FLNC: variants seen among roughly 807,000 people sequenced by gnomAD.
The protein encoded by FLNC is filamin C.
FLNC carries 91 observed loss-of-function variants against 254.3 expected under a neutral mutation model. The observed-to-expected ratio is 0.36, with a 90% CI of 0.30 to 0.43. FLNC has a LOEUF of 0.43. FLNC is among the 20% of genes least tolerant of loss of function. The pLI is 1.00. For missense variants in FLNC, 2,853 were observed against 3,802.6 expected (o/e 0.75, Z 6.57); for synonymous variants, 1,430 against 1,577.2 (o/e 0.91, Z 2.21).
rs1250574904 is a variant in FLNC, at chr7:128,835,917, T to C, written c.601+343T>C. ...CCCAGGGCCTGGACTCCCTGCCCCATGAATTTTTTACTGTGCCACGAGGCA... is the reference window on the plus strand; with the variant it reads ...CCCAGGGCCTGGACTCCCTGCCCCACGAATTTTTTACTGTGCCACGAGGCA... On this transcript the variant is annotated intron_variant, in intron 2 of 47. Coordinates refer to ENST00000325888, the MANE Select transcript of FLNC (RefSeq NM_001458.5). This position sits in a 1 kb window ranked among gnomAD's most constrained non-coding sequence, Gnocchi z 5.3. 2.0e-5 allele frequency among the ~76,000 whole-genome samples: 3 copies of C among 152,114 alleles called. No homozygotes were observed. Among genetic ancestry groups the C allele is most frequent in the Non-Finnish European group, 2.9e-5 (2 of 68,016 alleles).
chr7:128,835,437 A>G lies in FLNC; in HGVS notation c.464A>G (p.Asp155Gly), dbSNP rs1470975528. The stretch of plus-strand genomic sequence containing the variant: ...ATGTGGGAGGATGAAGATGATGAGG[A>G]TGCCCGCAAACAGACGCCCAAGCAG... The part of the protein sequence containing the change: ...MPMWEDEDDE[D>G]ARKQTPKQRL... Residue 155 changes from aspartate to glycine, a missense_variant, in exon 2 of 48, where the codon GAT (aspartate) becomes GGT (glycine). This residue lies in a region of FLNC where 115 missense variants were observed against 230.3 expected (regional missense o/e 0.50). Coordinates refer to ENST00000325888, the MANE Select transcript of FLNC (RefSeq NM_001458.5). The surrounding 1 kb of genome is among the most constrained non-coding windows in gnomAD (Gnocchi z 5.3). 1 of 1,614,116 alleles carries G rather than the reference A, an allele frequency of 6.2e-7. No individual in the cohort carries two copies. Among genetic ancestry groups the G allele is most frequent in the Non-Finnish European group, 8.5e-7 (1 of 1,180,032 alleles).
chr7:128,851,328 C>T lies in FLNC; in HGVS notation c.5636C>T (p.Thr1879Ile). Residue 1879 changes from threonine to isoleucine, a missense_variant, in exon 34 of 48, where the codon ACC (threonine) becomes ATC (isoleucine). By Grantham distance (89) the Thr-to-Ile change is moderately conservative. This residue lies in a region of FLNC where 551 missense variants were observed against 835.0 expected (regional missense o/e 0.66). Coordinates refer to ENST00000325888, the MANE Select transcript of FLNC (RefSeq NM_001458.5). ...CATGGCATGGTCAACAAGCCAGCCA[C>T]CTTCACTATTGTCACCAAAGATGCT... ...LSHGMVNKPA[T>I]FTIVTKDAGE... The T allele has an allele frequency of 6.2e-7, 1 of 1,614,166 alleles. No individual in the cohort carries two copies. Among genetic ancestry groups the T allele is most frequent in the South Asian group, 1.1e-5 (1 of 91,084 alleles).
Position 128,844,786 on chromosome 7 carries a change from C to G in FLNC, c.3321C>G (p.Ile1107Met), listed in dbSNP as rs775641996. Residue 1107 changes from isoleucine to methionine, a missense_variant, in exon 21 of 48, where the codon ATC becomes ATG. This residue lies in a region of FLNC where 1,573 missense variants were observed against 1,883.5 expected (regional missense o/e 0.84). Transcript: ENST00000325888. ...TAGAGGGCCCCTGCGAGGCCAAGAT[C>G]GAGTGCCAGGACAATGGTGATGGCT... ...LTVEGPCEAK[I>M]ECQDNGDGSC... The G allele has an allele frequency of 6.2e-7, 1 of 1,614,006 alleles. No homozygotes were observed. The highest frequency in any genetic ancestry group is 8.5e-7 in the Non-Finnish European group (1 of 1,180,050).
chr7:128,846,103 A>G lies in FLNC; in HGVS notation c.3904A>G (p.Thr1302Ala). 2.5e-6 allele frequency: 4 copies of G among 1,613,724 alleles called. No individual in the cohort carries two copies. The highest frequency in any genetic ancestry group is 3.4e-6 in the Non-Finnish European group (4 of 1,179,946). ...VLNPSGAKTD[T>A]YVTDNGDGTY... ...CAACCCCTCGGGGGCCAAGACAGACACCTATGTGACAGACAATGGGGACGG... is the reference window on the plus strand; with the variant it reads ...CAACCCCTCGGGGGCCAAGACAGACGCCTATGTGACAGACAATGGGGACGG... The change falls in exon 22 of 48, where the codon ACC (threonine) becomes GCC (alanine). Residue 1302 changes from threonine to alanine, a missense_variant. Around this residue, in one of 10 missense-constraint regions of FLNC, gnomAD observed 1,573 missense variants for 1,883.5 expected, o/e 0.84. Coordinates refer to ENST00000325888, the MANE Select transcript of FLNC (RefSeq NM_001458.5).
At position 128,846,428 on chromosome 7, in the gene FLNC, G is replaced by C. The variant is rs768635501; in HGVS notation, c.4092G>C (p.Leu1364Phe). 9.6e-5 allele frequency: 154 copies of C among 1,604,968 alleles called. No homozygotes were observed. The highest frequency in any genetic ancestry group is 1.3e-4 in the Non-Finnish European group (148 of 1,179,972). The change falls in exon 23 of 48, where the codon TTG becomes TTC. Residue 1364 changes from leucine to phenylalanine, a missense_variant. By Grantham distance (22) the Leu-to-Phe change is conservative (BLOSUM62 0). Around this residue, in one of 10 missense-constraint regions of FLNC, gnomAD observed 1,573 missense variants for 1,883.5 expected, o/e 0.84. Coordinates refer to ENST00000325888, the MANE Select transcript of FLNC (RefSeq NM_001458.5). ...TCGGGCCAGGCCTGGAGGGTGGCTTGGTCAACAAGGCCAACCGATTCACTG... is the reference window on the plus strand; with the variant it reads ...TCGGGCCAGGCCTGGAGGGTGGCTTCGTCAACAAGGCCAACCGATTCACTG... ...RAFGPGLEGG[L>F]VNKANRFTVE...
In FLNC at chr7:128,834,454, G is replaced by A. The variant is rs181527208; in HGVS notation, c.353-872G>A. On this transcript the variant is annotated intron_variant, in intron 1 of 47. Transcript: ENST00000325888. ...AACATGACTTTCAAGACTTAACTGA[G>A]AATGTACTGGACCCCACCCACCCAC... is the stretch of plus-strand genomic sequence containing the variant. Among the ~76,000 whole-genome samples, 361 of 151,758 alleles carry A rather than the reference G, an allele frequency of 2.4e-3. 13 individuals are homozygous for A. In the South Asian group the frequency reaches 0.052, roughly 22 times the overall value.
intron 20 of FLNC, 40 bp from the exon 21 acceptor site, chr7:128,844,618 G>A (rs759955638): frequency 1.3e-6 from 2 of 1,572,000 alleles, no homozygotes; most frequent in Admixed American, 3.3e-5. Context: ...GGGATGAGGA[G>A]GCCAGGTGCA....
rs202128602 is a variant in FLNC at position 128,851,550 on chromosome 7, G to A, written c.5764G>A (p.Ala1922Thr). ...CTGCACCGTGTCCTATCTGCCGACT[G>A]CGCCTGGAGACTACAGCATCATCGT... is the stretch of plus-strand genomic sequence containing the variant. The part of the protein sequence containing the change: ...GTCTVSYLPT[A>T]PGDYSIIVRF... Residue 1922 changes from alanine (A) to threonine (T), a missense_variant, in exon 35 of 48, where the codon GCG becomes ACG. Coordinates refer to ENST00000325888, the MANE Select transcript of FLNC (RefSeq NM_001458.5). 733 of 1,614,008 alleles carry A rather than the reference G, an allele frequency of 4.5e-4. 5 individuals are homozygous for A. In the Admixed American group the frequency reaches 6.2e-3, roughly 14 times the overall value.
At chr7:128,847,278 C>T (rs1261677964) in intron 24 of FLNC, among the ~76,000 whole-genome samples, 1 of 152,252 alleles carries the variant, frequency 6.6e-6, no homozygotes, top group East Asian at 1.9e-4. Context: ...ACTCCCCTGC[C>T]CTCTGCAGAC....
chr7:128,856,557 G>T lies in FLNC; in HGVS notation c.7291G>T (p.Val2431Leu), dbSNP rs572952653. ...LKVNQPASFA[V>L]QLNGARGVID... ...GGTGAACCAGCCAGCGTCCTTTGCC[G>T]TGCAGCTGAACGGTGCCCGGGGCGT... is the stretch of plus-strand genomic sequence containing the variant. Residue 2431 changes from valine to leucine, a missense_variant, in exon 44 of 48, where the codon GTG (valine) becomes TTG (leucine). By Grantham distance (32) the Val-to-Leu change is conservative. Coordinates refer to ENST00000325888, the MANE Select transcript of FLNC (RefSeq NM_001458.5). The surrounding 1 kb of genome is among the most constrained non-coding windows in gnomAD (Gnocchi z 5.9). The T allele has an allele frequency of 6.2e-7, 1 of 1,612,924 alleles. No individual in the cohort carries two copies. Among genetic ancestry groups the T allele is most frequent in the South Asian group, 1.1e-5 (1 of 91,088 alleles).
In FLNC at chr7:128,852,598, C is replaced by T. The variant is rs778996119; in HGVS notation, c.5850C>T (p.Asp1950=). 1 of 1,613,290 alleles carries T rather than the reference C, an allele frequency of 6.2e-7. No individual in the cohort carries two copies. The highest frequency in any genetic ancestry group is 1.1e-5 in the South Asian group (1 of 91,078). Reference sequence around the variant, plus strand: ...CCCCAACTCCCCCACCAGGTGATGACTCCATGAGGACCTCACAGCTGAATG... The same window carrying T: ...CCCCAACTCCCCCACCAGGTGATGATTCCATGAGGACCTCACAGCTGAATG... ...SPFTAKITGD[D]SMRTSQLNVG... Residue 1950 remains aspartate, a synonymous_variant, in exon 36 of 48, where the codon GAC becomes GAT. Transcript: ENST00000325888.
At chr7:128,854,270 T>C in intron 40 of FLNC, 54 bp downstream of exon 40, 4 of 1,603,952 alleles carry the variant, frequency 2.5e-6, no homozygotes, top group Non-Finnish European at 3.4e-6. Context: ...GGGAGGGTGC[T>C]GCGGACCAGG....
intron 2 of FLNC, 35 bp from the exon 3 acceptor site, chr7:128,837,125 C>T: frequency 1.4e-6 from 2 of 1,444,520 alleles, no homozygotes; most frequent in Non-Finnish European, 1.9e-6. Flanking sequence ...CGGCTGGCTG[C>T]CCCTCACCAT....
intron 32 of FLNC, 144 bp from the exon 33 acceptor site, chr7:128,850,659 C>A: frequency 1.5e-6 from 2 of 1,357,012 alleles, no homozygotes; most frequent in Non-Finnish European, 2.1e-6. Flanking sequence ...GTCCCCAGTT[C>A]AGGGCTCAGG....
chr7:128,832,822 G>A (rs1159349672), intron 1 of FLNC, among the ~76,000 whole-genome samples: 5 of 152,194 alleles, frequency 3.3e-5, no homozygotes, highest in Admixed American at 6.5e-5. Flanking sequence ...AGGGGACACC[G>A]GCAGCGACCA....
At chr7:128,839,993 C>T (rs1269832355) in intron 8 of FLNC, 30 bp from the exon 9 acceptor site, 3 of 1,608,076 alleles carry the variant, frequency 1.9e-6, no homozygotes, top group Admixed American at 1.7e-5. Flanking sequence ...CCCCTCAGCA[C>T]CCCCAACCTC....
At chr7:128,849,804 G>A (rs1379120816) in intron 30 of FLNC, among the ~76,000 whole-genome samples, 172 bp from the exon 31 acceptor site, 2 of 152,216 alleles carry the variant, frequency 1.3e-5, no homozygotes, top group Non-Finnish European at 2.9e-5. Flanking sequence ...GTCTCTGGAG[G>A]AACCCGCTGT....
intron 23 of FLNC, 56 bp downstream of exon 23, chr7:128,846,519 C>G (rs1808576560): frequency 2.5e-6 from 4 of 1,583,830 alleles, no homozygotes; most frequent in Non-Finnish European, 3.4e-6. Flanking sequence ...AGCCCCTGGC[C>G]CTCCTCGCTC....
rs769574342 is a variant in FLNC, at chr7:128,854,052, C to T, written c.6563C>T (p.Thr2188Met). 9.9e-6 allele frequency: 16 copies of T among 1,613,142 alleles called. No homozygotes were observed. Among genetic ancestry groups the T allele is most frequent in the African/African-American group, 2.7e-5 (2 of 74,950 alleles). The change falls in exon 40 of 48, where the codon ACG (threonine) becomes ATG (methionine). Residue 2188 changes from threonine to methionine, a missense_variant. Physicochemically the swap from Thr to Met is moderately conservative, Grantham distance 81. Coordinates refer to ENST00000325888, the MANE Select transcript of FLNC (RefSeq NM_001458.5). ...FTRSSHTYTR[T>M]ERTEISKTRG... is the part of the protein sequence containing the mutation. Reference sequence around the variant, plus strand: ...CGCAGCAGCCACACCTACACCCGCACGGAGCGCACGGAGATCAGCAAGACG... The same window carrying T: ...CGCAGCAGCCACACCTACACCCGCATGGAGCGCACGGAGATCAGCAAGACG...
Sources: allele counts gnomAD v4.1 joint callset (sites outside exome capture counted in the v4.1 genomes callset), GRCh38; gene constraint gnomAD v4.1.1; regional missense constraint gnomAD v4.1.1; non-coding constraint Gnocchi (gnomAD v3.1); transcripts MANE v1.5; gene names NCBI Gene and HGNC (gene_info 2026-07-23, HGNC 2026-07-21).